The following SPMIP4 variants were observed in gnomAD, a reference collection of about 807,000 sequenced individuals.
SPMIP4 encodes sperm-associated microtubule inner protein 4.
At chr7:25,162,834 T>C in the SPMIP4 span, among the ~76,000 whole-genome samples, 56,548 of 152,000 alleles carry the variant, frequency 0.37, 12,545 homozygotes, top group Non-Finnish European at 0.5. Flanking sequence ...TGCAATGGCG[T>C]GATCTCAGCT....
At chr7:25,146,158 G>C in the SPMIP4 span, among the ~76,000 whole-genome samples, 9 of 152,184 alleles carry the variant, frequency 5.9e-5, no homozygotes, top group Non-Finnish European at 1.3e-4. Context: ...GAGAGAGAGA[G>C]AGAGATGGAG....
chr7:25,147,618 T>G, the SPMIP4 span, among the ~76,000 whole-genome samples: 1 of 152,208 alleles, frequency 6.6e-6, no homozygotes, highest in Non-Finnish European at 1.5e-5. Context: ...TTTAACACAC[T>G]GTTAACATGA....
the SPMIP4 span, among the ~76,000 whole-genome samples, chr7:25,141,131 C>T: frequency 1.3e-5 from 2 of 152,122 alleles, no homozygotes; most frequent in African/African-American, 4.8e-5. Context: ...TTCTTCCAGG[C>T]CATTTCGCAT....
chr7:25,133,253 T>C, the SPMIP4 span, among the ~76,000 whole-genome samples: 1 of 152,220 alleles, frequency 6.6e-6, no homozygotes, highest in Non-Finnish European at 1.5e-5. Context: ...GTATATAGTG[T>C]ATATAATGGA....
the SPMIP4 span, among the ~76,000 whole-genome samples, chr7:25,129,092 C>A: frequency 1.3e-5 from 2 of 152,338 alleles, no homozygotes; most frequent in South Asian, 2.1e-4. Flanking sequence ...AGCAGCAGTG[C>A]CTGTGGCTTG....
At chr7:25,152,745 T>C in the SPMIP4 span, among the ~76,000 whole-genome samples, 1 of 131,054 alleles carries the variant, frequency 7.6e-6, no homozygotes. Flanking sequence ...CTTCGTTGTC[T>C]CTCTTTTTTT....
chr7:25,174,187 T>A, the SPMIP4 span, among the ~76,000 whole-genome samples: 2 of 151,948 alleles, frequency 1.3e-5, no homozygotes, highest in Admixed American at 1.3e-4. This position sits in a 1 kb window ranked among gnomAD's most constrained non-coding sequence, Gnocchi z 4.5. Flanking sequence ...CCTTTCTCTT[T>A]CCCCCTCTCT....
chr7:25,149,833 T>C, the SPMIP4 span, among the ~76,000 whole-genome samples: 2 of 152,206 alleles, frequency 1.3e-5, no homozygotes. Context: ...TTAGTGAAAT[T>C]ACCCAGATAC....
chr7:25,148,477 CTTT>C, the SPMIP4 span, among the ~76,000 whole-genome samples: 41,761 of 128,144 alleles, frequency 0.33, 7,888 homozygotes, highest in South Asian at 0.44. Context: ...GAATCTGCCT[CTTT>C]TTTTTTTTTT....
At chr7:25,141,168 T>C in the SPMIP4 span, among the ~76,000 whole-genome samples, 1 of 152,216 alleles carries the variant, frequency 6.6e-6, no homozygotes, top group African/African-American at 2.4e-5. Context: ...TCTACTGATA[T>C]CTGCAGAGAA....
chr7:25,164,409 C>T, the SPMIP4 span, among the ~76,000 whole-genome samples: 2 of 152,044 alleles, frequency 1.3e-5, no homozygotes, highest in East Asian at 3.9e-4. Context: ...ATTTCTGGAA[C>T]CTGGGGAACC....
At chr7:25,154,774 G>T in the SPMIP4 span, among the ~76,000 whole-genome samples, 1 of 152,156 alleles carries the variant, frequency 6.6e-6, no homozygotes, top group Non-Finnish European at 1.5e-5. Context: ...GTTTCTGATT[G>T]TAACATGAGA....
the SPMIP4 span, among the ~76,000 whole-genome samples, chr7:25,153,563 CAA>C: frequency 3.5e-5 from 5 of 140,922 alleles, no homozygotes; most frequent in Admixed American, 7.1e-5. Context: ...GACTCCGTCT[CAA>C]AAAAAAAAAA....
chr7:25,147,803 G>C, the SPMIP4 span, among the ~76,000 whole-genome samples: 1 of 152,118 alleles, frequency 6.6e-6, no homozygotes, highest in African/African-American at 2.4e-5. Flanking sequence ...ATTGTGCTGG[G>C]TGCTTTTCTG....
the SPMIP4 span, among the ~76,000 whole-genome samples, chr7:25,146,365 C>T: frequency 1.2e-3 from 186 of 152,254 alleles, 1 homozygote; most frequent in Non-Finnish European, 2.3e-3. Context: ...ATTCTGGGCA[C>T]CTTGTCTGTC....
the SPMIP4 span, chr7:25,142,413 C>G: frequency 4.3e-5 from 46 of 1,067,954 alleles, no homozygotes; most frequent in Admixed American, 1.1e-3. Flanking sequence ...GAAAACTTAC[C>G]CATTCCTTTT....
At chr7:25,152,526 G>A in the SPMIP4 span, among the ~76,000 whole-genome samples, 1 of 152,168 alleles carries the variant, frequency 6.6e-6, no homozygotes, top group Non-Finnish European at 1.5e-5. Flanking sequence ...GAAAGGTACT[G>A]TTATTCCAAC....
chr7:25,179,067 A>AAACAAAC, the SPMIP4 span: 2 of 1,260,230 alleles, frequency 1.6e-6, no homozygotes, highest in South Asian at 1.6e-5. Flanking sequence ...ACAAACAAAC[A>AAACAAAC]AGAAACAGAA....
the SPMIP4 span, among the ~76,000 whole-genome samples, chr7:25,150,264 T>C: frequency 6.6e-6 from 1 of 152,166 alleles, no homozygotes; most frequent in African/African-American, 2.4e-5. Flanking sequence ...TCTGGAGCCT[T>C]TGGCTATAAG....
Sources: allele counts gnomAD v4.1 joint callset (sites outside exome capture counted in the v4.1 genomes callset), GRCh38; gene constraint gnomAD v4.1.1; non-coding constraint Gnocchi (gnomAD v3.1); transcripts MANE v1.5; gene names NCBI Gene and HGNC (gene_info 2026-07-23, HGNC 2026-07-21).